Variants in ERICH2 observed in about 807,000 individuals in gnomAD.
ERICH2 encodes glutamate-rich protein 2.
A neutral mutation model predicts 17.4 loss-of-function variants in ERICH2; 17 were observed. That is an observed-to-expected ratio of 0.98 (90% CI 0.67 to 1.47). The LOEUF is 1.47. Among genes scored for constraint, ERICH2 ranks in the 40% most tolerant of loss-of-function variants. The pLI is 0.00. For synonymous variants in ERICH2, 51 were observed against 61.1 expected (o/e 0.83, Z 0.77); for missense variants, 186 against 183.2 (o/e 1.01, Z -0.09).
chr2:170,777,306 T>A, the ERICH2 span: 2 of 442,520 alleles, frequency 4.5e-6, no homozygotes, highest in Non-Finnish European at 6.1e-6. Flanking sequence ...ACATAAAGGC[T>A]ATTAGTAAAT....
chr2:170,785,469 C>T (rs1701137926), intron 2 of ERICH2, among the ~76,000 whole-genome samples: 1 of 152,056 alleles, frequency 6.6e-6, no homozygotes, highest in Non-Finnish European at 1.5e-5. Context: ...GCTTTCTATA[C>T]ACTGGGCACC....
chr2:170,774,989 G>A, the ERICH2 span, among the ~76,000 whole-genome samples: 1 of 152,034 alleles, frequency 6.6e-6, no homozygotes, highest in Admixed American at 6.5e-5. Flanking sequence ...GCAGAGCATG[G>A]GTCTCCATCA....
intron 2 of ERICH2, among the ~76,000 whole-genome samples, chr2:170,787,689 T>G (rs1040573628): frequency 6.6e-6 from 1 of 152,228 alleles, no homozygotes; most frequent in Non-Finnish European, 1.5e-5. Context: ...CCTCCTCTTT[T>G]GAAAATTATA....
At chr2:170,777,733 A>G in the ERICH2 span, 3 of 1,134,624 alleles carry the variant, frequency 2.6e-6, no homozygotes, top group South Asian at 4.5e-5. Context: ...CTTTTAAGCA[A>G]TTAGAACTAG....
intron 2 of ERICH2, among the ~76,000 whole-genome samples, chr2:170,785,337 C>G (rs1158715174): frequency 6.6e-6 from 1 of 152,070 alleles, no homozygotes; most frequent in Non-Finnish European, 1.5e-5. Context: ...ATCTCTCTTA[C>G]TACTTTCACC....
chr2:170,796,410 ATCTC>A (rs10534608), intron 3 of ERICH2, among the ~76,000 whole-genome samples: 40 of 141,278 alleles, frequency 2.8e-4, no homozygotes, highest in South Asian at 8.9e-4. Context: ...CACAATGGTT[ATCTC>A]TCTCTCTCTC....
At chr2:170,782,671 G>T (rs1305121873), upstream of ERICH2, among the ~76,000 whole-genome samples, 2 of 152,238 alleles carry the variant, frequency 1.3e-5, no homozygotes, top group African/African-American at 4.8e-5. Flanking sequence ...CAGAGTGAAA[G>T]CCAGAGTGCC....
chr2:170,798,930 A>T (rs1485608862), exon 5 of ERICH2: 2 of 1,547,730 alleles, frequency 1.3e-6, no homozygotes, highest in East Asian at 2.4e-5. Context: ...ATGTATTTTC[A>T]TTAATGTATA....
upstream of ERICH2, chr2:170,782,169 G>A: frequency 3.9e-6 from 1 of 254,212 alleles, no homozygotes; most frequent in Non-Finnish European, 6.2e-6. Context: ...TACATTAAAT[G>A]TAGTGTCTGT....
the ERICH2 span, chr2:170,771,524 A>G: frequency 6.6e-6 from 1 of 152,222 alleles, no homozygotes; most frequent in Non-Finnish European, 1.5e-5. The surrounding 1 kb of genome is among the most constrained non-coding windows in gnomAD (Gnocchi z 4.8). Context: ...GCCGGTGCAC[A>G]CGCACCAACT....
chr2:170,772,119 G>C, the ERICH2 span, among the ~76,000 whole-genome samples: 28 of 152,250 alleles, frequency 1.8e-4, no homozygotes, highest in Admixed American at 8.5e-4. Context: ...TACGTGTTAA[G>C]AGTTTTCCAG....
chr2:170,778,085 AAAGT>A, the ERICH2 span: 1 of 159,052 alleles, frequency 6.3e-6, no homozygotes, highest in Non-Finnish European at 1.4e-5. Context: ...CTCAATAAAG[AAAGT>A]AATCACCTCA....
chr2:170,783,674 G>GA, upstream of ERICH2: 1 of 994,242 alleles, frequency 1.0e-6, no homozygotes, highest in South Asian at 1.6e-5. Flanking sequence ...TAGGGATCAG[G>GA]AAACTTCTCT....
chr2:170,780,516 A>G (rs564607920), upstream of ERICH2, among the ~76,000 whole-genome samples: 1 of 152,308 alleles, frequency 6.6e-6, no homozygotes, highest in East Asian at 1.9e-4. Context: ...GGCTGCCTCC[A>G]TGTGTGTTTC....
intron 3 of ERICH2, among the ~76,000 whole-genome samples, chr2:170,796,357 A>G (rs1441280995): frequency 6.6e-6 from 1 of 151,076 alleles, no homozygotes; most frequent in Non-Finnish European, 1.5e-5. Flanking sequence ...GATGAAAGCC[A>G]TGGGTGGGAT....
At chr2:170,786,492 A>T (rs900659518) in intron 2 of ERICH2, among the ~76,000 whole-genome samples, 2 of 151,972 alleles carry the variant, frequency 1.3e-5, no homozygotes, top group Non-Finnish European at 1.5e-5. Context: ...GGTTTTCCTC[A>T]TATTTCTTCT....
exon 2 of ERICH2, chr2:170,784,785 T>C (rs1701116325): frequency 5.2e-6 from 8 of 1,539,594 alleles, no homozygotes; most frequent in Admixed American, 2.0e-5. Flanking sequence ...ATGATGAAGA[T>C]AGTAACCCTA....
the ERICH2 span, among the ~76,000 whole-genome samples, chr2:170,776,286 A>T: frequency 6.6e-6 from 1 of 152,202 alleles, no homozygotes; most frequent in East Asian, 1.9e-4. Flanking sequence ...TATTTGTTTA[A>T]ATAATACTTT....
At chr2:170,770,835 C>G in the ERICH2 span, 1 of 145,966 alleles carries the variant, frequency 6.9e-6, no homozygotes, top group Non-Finnish European at 1.5e-5. Flanking sequence ...GGCCGCCCGC[C>G]CCGCCCCGCC....
Sources: allele counts gnomAD v4.1 joint callset (sites outside exome capture counted in the v4.1 genomes callset), GRCh38; gene constraint gnomAD v4.1.1; non-coding constraint Gnocchi (gnomAD v3.1); transcripts MANE v1.5; gene names NCBI Gene and HGNC (gene_info 2026-07-23, HGNC 2026-07-21).